KCNN2: variants seen among roughly 807,000 people sequenced by gnomAD.
KCNN2 encodes the protein potassium calcium-activated channel subfamily N member 2.
Under a neutral mutation model 55.5 loss-of-function variants are expected in KCNN2, and 24 were observed. The ratio of observed to expected loss-of-function variants is 0.43; its 90% CI spans 0.31 to 0.61. KCNN2 has a LOEUF of 0.61. Ranked by LOEUF, KCNN2 falls within the 20% of genes least tolerant of loss-of-function variation. The probability of loss-of-function intolerance (pLI) is 0.08; values close to 1 mark genes in which losing one functional copy is unlikely to be tolerated. For synonymous variants in KCNN2, 431 were observed against 336.1 expected (o/e 1.28, Z -3.09); for missense variants, 754 against 853.6 (o/e 0.88, Z 1.45).
chr5:114,278,058 T>C (rs552246511), intron 2 of KCNN2, among the ~76,000 whole-genome samples: 2 of 152,310 alleles, frequency 1.3e-5, no homozygotes, highest in South Asian at 2.1e-4. Context: ...TTGATGATAT[T>C]ACTTTCTGTT....
At chr5:114,241,152 A>G in intron 2 of KCNN2, among the ~76,000 whole-genome samples, 1 of 151,856 alleles carries the variant, frequency 6.6e-6, no homozygotes. Context: ...TATAACAAAC[A>G]TATTTAAAGA....
At chr5:114,135,440 A>T (rs977697371) in intron 1 of KCNN2, among the ~76,000 whole-genome samples, 1 of 151,842 alleles carries the variant, frequency 6.6e-6, no homozygotes, top group Non-Finnish European at 1.5e-5. Flanking sequence ...AAATATTAAG[A>T]CCCCCCAACC....
At chr5:114,479,438 C>T (rs761868657) in intron 5 of KCNN2, among the ~76,000 whole-genome samples, 1 of 152,152 alleles carries the variant, frequency 6.6e-6, no homozygotes, top group African/African-American at 2.4e-5. Context: ...TACAAAGAGA[C>T]ATTGACTTCC....
At chr5:114,287,634 A>G (rs567948184) in intron 2 of KCNN2, among the ~76,000 whole-genome samples, 54 of 152,148 alleles carry the variant, frequency 3.5e-4, no homozygotes, top group Middle Eastern at 3.4e-3. Context: ...GCATTAGGAC[A>G]AATACCTAAT....
Position 114,110,565 on chromosome 5 carries a change from CAATAAAAG to C in KCNN2, c.-271+54066_-271+54073del, listed in dbSNP as rs1241343821. On this transcript the variant is annotated intron_variant, in intron 1 of 10. Transcript: ENST00000512097. The stretch of plus-strand genomic sequence containing the variant: ...ACTCCTCTAAGGCCTTGGATGCTGG[CAATAAAAG>C]TAACCTTACTTTCAGTTTCCTTTTT... Among the ~76,000 whole-genome samples the C allele has an allele frequency of 3.9e-5, 6 of 152,194 alleles. No individual in the cohort carries two copies. In the East Asian group the frequency reaches 1.2e-3, roughly 29 times the overall value.
At chr5:114,249,725 T>TA (rs1286061382) in intron 2 of KCNN2, among the ~76,000 whole-genome samples, 31 of 128,754 alleles carry the variant, frequency 2.4e-4, no homozygotes, top group African/African-American at 7.0e-4. Context: ...AGTTCGGAAT[T>TA]AAAAAAAAAC....
intron 3 of KCNN2, among the ~76,000 whole-genome samples, chr5:114,439,826 T>C (rs952187216): frequency 4.6e-5 from 7 of 152,114 alleles, no homozygotes; most frequent in African/African-American, 1.7e-4. Flanking sequence ...GGGTGTGTGC[T>C]TGGTGAGGTT....
chr5:114,479,753 A>G (rs1179564097), intron 5 of KCNN2, among the ~76,000 whole-genome samples: 4 of 152,222 alleles, frequency 2.6e-5, no homozygotes, highest in African/African-American at 9.6e-5. Flanking sequence ...AACTACATGG[A>G]AATTGAACAG....
At chr5:114,354,626 T>C (rs1408284033) in intron 2 of KCNN2, among the ~76,000 whole-genome samples, 5 of 152,152 alleles carry the variant, frequency 3.3e-5, no homozygotes, top group African/African-American at 1.2e-4. Flanking sequence ...TTTTACCTAA[T>C]AATACTTTCA....
At chr5:114,272,236 T>G (rs1340054944) in intron 2 of KCNN2, among the ~76,000 whole-genome samples, 1 of 152,098 alleles carries the variant, frequency 6.6e-6, no homozygotes, top group Admixed American at 6.6e-5. Flanking sequence ...TGTGTATATA[T>G]GTGTGTACAT....
intron 3 of KCNN2, among the ~76,000 whole-genome samples, chr5:114,411,837 A>G (rs917801205): frequency 6.6e-6 from 1 of 152,186 alleles, no homozygotes; most frequent in African/African-American, 2.4e-5. Context: ...CTCAGAAATA[A>G]TGCTTTACCA....
At chr5:114,305,481 G>A (rs192063203) in intron 2 of KCNN2, among the ~76,000 whole-genome samples, 3 of 152,174 alleles carry the variant, frequency 2.0e-5, no homozygotes, top group African/African-American at 4.8e-5. Context: ...GGCTGTGGAT[G>A]GGTCAAGGGA....
At chr5:114,152,446 G>T (rs1173260595) in intron 1 of KCNN2, among the ~76,000 whole-genome samples, 2 of 152,128 alleles carry the variant, frequency 1.3e-5, no homozygotes, top group Non-Finnish European at 2.9e-5. Context: ...CAAGTTATTT[G>T]CAAATATAAT....
chr5:114,376,326 G>T (rs13182224), intron 2 of KCNN2, among the ~76,000 whole-genome samples: 40,245 of 152,176 alleles, frequency 0.26, 6,161 homozygotes, highest in Non-Finnish European at 0.35. Flanking sequence ...AGACCACACG[G>T]AACACTCAGT....
chr5:114,226,663 G>A (rs1377000062), intron 2 of KCNN2, among the ~76,000 whole-genome samples: 1 of 152,086 alleles, frequency 6.6e-6, no homozygotes, highest in Non-Finnish European at 1.5e-5. Context: ...AGCAATTTGG[G>A]AGGATGAGGC....
chr5:114,321,056 A>G (rs1756604856), intron 2 of KCNN2, among the ~76,000 whole-genome samples: 1 of 152,170 alleles, frequency 6.6e-6, no homozygotes, highest in Non-Finnish European at 1.5e-5. Context: ...TAGCTTACAC[A>G]TTAGCCATTT....
At chr5:114,453,997 C>T (rs1003640340) in intron 3 of KCNN2, among the ~76,000 whole-genome samples, 7 of 152,014 alleles carry the variant, frequency 4.6e-5, no homozygotes, top group East Asian at 1.9e-4. Flanking sequence ...CAGTAGGCCC[C>T]GGTATGTGAT....
At chr5:114,098,386 G>A (rs1751306026) in intron 1 of KCNN2, among the ~76,000 whole-genome samples, 1 of 151,942 alleles carries the variant, frequency 6.6e-6, no homozygotes, top group Non-Finnish European at 1.5e-5. Flanking sequence ...GGCCTGTTAG[G>A]AACCAGGCTG....
intron 1 of KCNN2, among the ~76,000 whole-genome samples, chr5:114,095,913 T>C (rs1264032472): frequency 6.6e-6 from 1 of 152,228 alleles, no homozygotes; most frequent in East Asian, 1.9e-4. Context: ...TTTACATTTA[T>C]ATATGCCAGT....
Sources: gnomAD v4.1 joint callset for allele counts (sites outside exome capture counted in the v4.1 genomes callset) on GRCh38, gnomAD v4.1.1 for gene constraint, MANE v1.5 for transcripts, NCBI Gene and HGNC (gene_info 2026-07-23, HGNC 2026-07-21) for gene names.